The following MAB21L4 variants were observed in gnomAD, a reference collection of about 807,000 sequenced individuals.
MAB21L4 encodes the protein protein mab-21-like 4.
In MAB21L4, 25 loss-of-function variants were observed where a neutral mutation model predicts 32.4. The ratio of observed to expected loss-of-function variants is 0.77; its 90% CI spans 0.56 to 1.08. MAB21L4 has a LOEUF of 1.08. Ranked by LOEUF, MAB21L4 falls within the 50% of genes least tolerant of loss-of-function variation. MAB21L4 has a pLI of 0.00. For missense variants in MAB21L4, 638 were observed against 611.0 expected (o/e 1.04, Z -0.47); for synonymous variants, 280 against 276.8 (o/e 1.01, Z -0.11).
intron 2 of MAB21L4, among the ~76,000 whole-genome samples, chr2:240,891,288 T>A (rs566485220): frequency 3.3e-5 from 5 of 152,322 alleles, no homozygotes; most frequent in Admixed American, 2.6e-4. Context: ...AGGGCAGCCA[T>A]CCACAATTCC....
chr2:240,891,934 G>A, intron 1 of MAB21L4, 171 bp from the exon 2 acceptor site: 1 of 1,567,888 alleles, frequency 6.4e-7, no homozygotes, highest in Non-Finnish European at 8.6e-7. Context: ...AGACACCTGT[G>A]TCCATCCCTG....
At chr2:240,896,322 A>G (rs115594130), upstream of MAB21L4, among the ~76,000 whole-genome samples, 2,608 of 152,270 alleles carry the variant, frequency 0.017, 36 homozygotes, top group African/African-American at 0.046. Flanking sequence ...GGCCCAAGGC[A>G]CGGCCCCTGT....
In MAB21L4 at chr2:240,891,737, C is replaced by G. The variant is rs753969212; in HGVS notation, c.541G>C (p.Glu181Gln). 10 of 1,609,452 alleles carry G rather than the reference C, an allele frequency of 6.2e-6. No individual in the cohort carries two copies. The highest frequency in any genetic ancestry group is 8.5e-6 in the Non-Finnish European group (10 of 1,179,618). Residue 181 changes from glutamate (E) to glutamine (Q), a missense_variant, in exon 2 of 5, where the codon GAG becomes CAG. Physicochemically the swap from Glu to Gln is conservative, Grantham distance 29. Transcript: ENST00000388934. ...PGSLNAASLR[E>Q]EQLHLSLLVS... is the part of the protein sequence containing the mutation. ...AGCAAGGACAGGTGGAGCTGCTCCTCCCTCAGGCTGGCCGCGTTCAGCGAA... is the reference window on the plus strand; with the variant it reads ...AGCAAGGACAGGTGGAGCTGCTCCTGCCTCAGGCTGGCCGCGTTCAGCGAA...
At chr2:240,895,436 G>GC (rs746386222) in intron 1 of MAB21L4, 48 bp downstream of exon 1, 10 of 1,458,112 alleles carry the variant, frequency 6.9e-6, no homozygotes, top group Non-Finnish European at 8.2e-6. Flanking sequence ...CCACACAGCA[G>GC]CCCCTCGGTA....
chr2:240,888,301 C>G lies in MAB21L4; in HGVS notation c.1242G>C (p.Leu414=), dbSNP rs2059113222. Residue 414 remains leucine, a synonymous_variant, in exon 4 of 5, where the codon CTG becomes CTC. Coordinates refer to ENST00000388934, the MANE Select transcript of MAB21L4 (RefSeq NM_001085437.3). ...CGCAGCCAGCACCCACCTTGTCCAG[C>G]AGGACGTCGAAGTAGGCAGTGGCCC... is the stretch of plus-strand genomic sequence containing the variant. The part of the protein sequence containing the change: ...TYWATAYFDV[L]LDKFQVFNIQ... The G allele has an allele frequency of 3.8e-6, 6 of 1,562,294 alleles. No homozygotes were observed. The highest frequency in any genetic ancestry group is 2.8e-5 in the African/African-American group (2 of 72,050).
chr2:240,888,272 C>T lies in MAB21L4; in HGVS notation c.1251+20G>A, dbSNP rs771100688. On this transcript the variant is annotated intron_variant, in intron 4 of 4. Transcript: ENST00000388934. ...CCCATGCCCCCGGGCCTGCCCAAGG[C>T]CCCCGCAGCCAGCACCCACCTTGTC... The T allele has an allele frequency of 1.5e-5, 22 of 1,514,408 alleles. No homozygotes were observed. Among genetic ancestry groups the T allele is most frequent in the East Asian group, 2.4e-5 (1 of 42,526 alleles). 93.8% of individuals were successfully genotyped at this position (1,514,408 alleles called of 1,614,324 possible).
Position 240,888,480 on chromosome 2 carries a change from G to T in MAB21L4, c.1063C>A (p.Leu355Ile). ...RNLLQGSGLD[L>I]GAIYQRVEGF... is the part of the protein sequence containing the mutation. ...TCCACGCGCTGGTAGATGGCACCAA[G>T]GTCCAGGCCGCTGCCCTGCAGCAGG... Residue 355 changes from leucine (L) to isoleucine (I), a missense_variant, in exon 4 of 5, where the codon CTT becomes ATT. Coordinates refer to ENST00000388934, the MANE Select transcript of MAB21L4 (RefSeq NM_001085437.3). 1 of 1,599,784 alleles carries T rather than the reference G, an allele frequency of 6.3e-7. No homozygotes were observed. The highest frequency in any genetic ancestry group is 1.1e-5 in the South Asian group (1 of 89,854).
At chr2:240,893,742 T>A (rs1233856917) in intron 1 of MAB21L4, among the ~76,000 whole-genome samples, 1 of 152,164 alleles carries the variant, frequency 6.6e-6, no homozygotes, top group Non-Finnish European at 1.5e-5. Flanking sequence ...CAGGAGGCAC[T>A]CTGGGGGCGT....
Position 240,888,490 on chromosome 2 carries a change from G to A in MAB21L4, c.1053C>T (p.Ser351=), listed in dbSNP as rs199992313. Residue 351 remains serine, a synonymous_variant, in exon 4 of 5, where the codon AGC becomes AGT. Coordinates refer to ENST00000388934, the MANE Select transcript of MAB21L4 (RefSeq NM_001085437.3). ...LHPQRNLLQG[S]GLDLGAIYQR... Reference sequence around the variant, plus strand: ...GGTAGATGGCACCAAGGTCCAGGCCGCTGCCCTGCAGCAGGTTGCGCTGCG... The same window carrying A: ...GGTAGATGGCACCAAGGTCCAGGCCACTGCCCTGCAGCAGGTTGCGCTGCG... The A allele has an allele frequency of 7.0e-4, 1,129 of 1,603,430 alleles. No homozygotes were observed. The highest frequency in any genetic ancestry group is 8.1e-4 in the Non-Finnish European group (954 of 1,177,600).
chr2:240,893,380 T>A (rs183144835), intron 1 of MAB21L4, among the ~76,000 whole-genome samples: 37 of 152,290 alleles, frequency 2.4e-4, no homozygotes, highest in Admixed American at 5.9e-4. Flanking sequence ...GGGGCCTCAG[T>A]TCCCATCAAT....
rs377523321 is a variant in MAB21L4 at position 240,891,646 on chromosome 2, G to T, written c.632C>A (p.Ala211Glu). ...VVPVVRRKLGAPALEGVQQMP... is the reference protein window; with the variant it reads ...VVPVVRRKLGEPALEGVQQMP... ...CTGCTGCACCCCCTCCAGGGCAGGC[G>T]CCCCAAGCTTCCTTCTCACCACGGG... The change falls in exon 2 of 5, where the codon GCG becomes GAG. Residue 211 changes from alanine to glutamate, a missense_variant. Coordinates refer to ENST00000388934, the MANE Select transcript of MAB21L4 (RefSeq NM_001085437.3). The T allele has an allele frequency of 5.0e-6, 8 of 1,608,910 alleles. No individual in the cohort carries two copies. Among genetic ancestry groups the T allele is most frequent in the South Asian group, 1.1e-5 (1 of 91,084 alleles).
intron 3 of MAB21L4, among the ~76,000 whole-genome samples, chr2:240,889,132 A>G (rs115703923): frequency 0.04 from 6,006 of 151,742 alleles, 162 homozygotes; most frequent in Non-Finnish European, 0.059. Flanking sequence ...CTTACCCTCC[A>G]TCCTGCCCCA....
upstream of MAB21L4, chr2:240,896,257 G>C: frequency 1.0e-6 from 1 of 962,466 alleles, no homozygotes; most frequent in Non-Finnish European, 1.3e-6. Flanking sequence ...GGCAGGCGGG[G>C]GCTGGGTTTG....
At chr2:240,891,339 T>C (rs1211291905) in intron 2 of MAB21L4, among the ~76,000 whole-genome samples, 199 bp downstream of exon 2, 1 of 152,200 alleles carries the variant, frequency 6.6e-6, no homozygotes, top group African/African-American at 2.4e-5. Flanking sequence ...CCAGGCCCCT[T>C]TCCACTAGGG....
At chr2:240,896,209 A>T, upstream of MAB21L4, 10 of 1,234,792 alleles carry the variant, frequency 8.1e-6, no homozygotes, top group Non-Finnish European at 1.0e-5. Context: ...GGGGTGAGTC[A>T]GTCCCCAGCA....
upstream of MAB21L4, among the ~76,000 whole-genome samples, chr2:240,896,368 C>T (rs1180189870): frequency 6.6e-6 from 1 of 152,174 alleles, no homozygotes; most frequent in African/African-American, 2.4e-5. Flanking sequence ...GAAATATTGC[C>T]GCTGGACTGT....
chr2:240,888,424 C>A lies in MAB21L4; in HGVS notation c.1119G>T (p.Leu373=), dbSNP rs759030422. The change falls in exon 4 of 5, where the codon CTG becomes CTT. Residue 373 remains leucine (L), a synonymous_variant. Transcript: ENST00000388934. ...EGFASQPEAA[L]RIHATHLGRS... ...GGCCCAGGTGGGTGGCGTGGATGCG[C>A]AGGGCCGCCTCGGGCTGGCTGGCGA... 6.4e-7 allele frequency: 1 copy of A among 1,561,688 alleles called. No homozygotes were observed.
Position 240,891,678 on chromosome 2 carries a change from G to A in MAB21L4, c.600C>T (p.His200=), listed in dbSNP as rs551482681. The A allele has an allele frequency of 5.0e-6, 8 of 1,609,332 alleles. No homozygotes were observed. The highest frequency in any genetic ancestry group is 3.3e-5 in the Admixed American group (2 of 59,988). The part of the protein sequence containing the change: ...VSSGWRTISF[H]VVPVVRRKLG... ...GCTTCCTTCTCACCACGGGCACCAC[G>A]TGGAAGCTGATTGTTCTCCAGCCGC... The change falls in exon 2 of 5, where the codon CAC becomes CAT. Residue 200 remains histidine (H), a synonymous_variant. Coordinates refer to ENST00000388934, the MANE Select transcript of MAB21L4 (RefSeq NM_001085437.3).
Position 240,890,105 on chromosome 2 carries a change from T to C in MAB21L4, c.794A>G (p.Gln265Arg). The change falls in exon 3 of 5, where the codon CAG becomes CGG. Residue 265 changes from glutamine (Q) to arginine (R), a missense_variant. Transcript: ENST00000388934. ...GGAGAGGCTGTCCAGGCGATGACCC[T>C]GCAGGGAGCCCAGCTCCCCCAGCAG... ...TRLLGELGSL[Q>R]GHRLDSLSIL... 1.2e-6 allele frequency: 2 copies of C among 1,612,624 alleles called. No individual in the cohort carries two copies. Among genetic ancestry groups the C allele is most frequent in the Middle Eastern group, 1.7e-4 (1 of 6,050 alleles).
Sources: gnomAD v4.1 joint callset for allele counts (sites outside exome capture counted in the v4.1 genomes callset) on GRCh38, gnomAD v4.1.1 for gene constraint, MANE v1.5 for transcripts, NCBI Gene and HGNC (gene_info 2026-07-23, HGNC 2026-07-21) for gene names.